Variants in POM121 observed in about 807,000 individuals in gnomAD.
POM121 encodes the protein nuclear envelope pore membrane protein POM 121.
In POM121, 32 loss-of-function variants were observed where a neutral mutation model predicts 81.3. The observed-to-expected ratio is 0.39, with a 90% CI of 0.30 to 0.53. The LOEUF (loss-of-function observed/expected upper bound fraction) is 0.53. POM121 is among the 20% of genes least tolerant of loss of function. POM121 has a pLI of 0.66. For missense variants in POM121, 1,138 were observed against 1,614.6 expected (o/e 0.70, Z 5.06); for synonymous variants, 514 against 694.2 (o/e 0.74, Z 4.08).
intron 1 of POM121, among the ~76,000 whole-genome samples, chr7:72,890,204 A>G (rs1791163083): frequency 6.6e-6 from 1 of 152,226 alleles, no homozygotes; most frequent in Admixed American, 6.5e-5. Flanking sequence ...GTTAGGAAGA[A>G]GAAGACCAGG....
intron 3 of POM121, among the ~76,000 whole-genome samples, chr7:72,912,049 G>T (rs1447013998): frequency 1.3e-5 from 2 of 152,172 alleles, no homozygotes; most frequent in Non-Finnish European, 2.9e-5. Context: ...ACGCTACCAT[G>T]CCCAGCTAGT....
chr7:72,929,935 A>G lies in POM121; in HGVS notation c.1104-5A>G. 6.3e-7 allele frequency: 1 copy of G among 1,580,222 alleles called. No individual in the cohort carries two copies. The highest frequency in any genetic ancestry group is 1.8e-5 in the Admixed American group (1 of 54,164). ...AAAGCATCTAACTGTCTTCTCTTTT[A>G]TTAGGCCTGGGTCTCTGAAGAGAGG... On this transcript the variant is annotated splice_region_variant and splice_polypyrimidine_tract_variant and intron_variant, in intron 4 of 12. Transcript: ENST00000434423.
chr7:72,924,033 C>T (rs1384460390), upstream of POM121, among the ~76,000 whole-genome samples: 1 of 151,724 alleles, frequency 6.6e-6, no homozygotes, highest in East Asian at 1.9e-4. Flanking sequence ...GCAACCTCCG[C>T]CTCCCGAGTT....
exon 1 of POM121, chr7:72,879,821 C>T (rs1563127063): frequency 4.0e-6 from 2 of 504,122 alleles, no homozygotes; most frequent in Non-Finnish European, 7.9e-6. Context: ...ACGCGCGCGC[C>T]AGCGACAGCA....
At chr7:72,949,977 C>T, downstream of POM121, 1 of 1,606,014 alleles carries the variant, frequency 6.2e-7, no homozygotes, top group Non-Finnish European at 8.5e-7. Flanking sequence ...AGGCAGAACA[C>T]AGGGGCCGGG....
chr7:72,949,656 C>G (rs1797938434), downstream of POM121: 4 of 656,372 alleles, frequency 6.1e-6, no homozygotes, highest in Non-Finnish European at 1.1e-5. Flanking sequence ...GGCCTGGGGT[C>G]TCTGCCCCAA....
At chr7:72,909,158 G>A (rs1793567404) in intron 3 of POM121, among the ~76,000 whole-genome samples, 1 of 152,204 alleles carries the variant, frequency 6.6e-6, no homozygotes, top group African/African-American at 2.4e-5. Flanking sequence ...CTTCTGCCAT[G>A]GCTTTAGCTG....
Position 72,890,107 on chromosome 7 carries a change from T to C in POM121, c.-520-520T>C, listed in dbSNP as rs550952376. ...GAGATGTTTGAGATAAAATCAGTCATGCAGATAGCCAGAGGCCACTGGCTA... is the reference window on the plus strand; with the variant it reads ...GAGATGTTTGAGATAAAATCAGTCACGCAGATAGCCAGAGGCCACTGGCTA... On this transcript the variant is annotated intron_variant, in intron 1 of 15. Coordinates refer to the POM121 transcript ENST00000395270. Among the ~76,000 whole-genome samples, 7 of 151,892 alleles carry C rather than the reference T, an allele frequency of 4.6e-5. No homozygotes were observed. In the South Asian group the frequency reaches 1.5e-3, roughly 32 times the overall value.
intron 3 of POM121, among the ~76,000 whole-genome samples, chr7:72,902,611 C>G (rs1792805505): frequency 6.6e-6 from 1 of 152,118 alleles, no homozygotes; most frequent in South Asian, 2.1e-4. Flanking sequence ...TCACTGCAGG[C>G]TTGACTTCTC....
At chr7:72,949,748 G>C, downstream of POM121, 1 of 823,306 alleles carries the variant, frequency 1.2e-6, no homozygotes, top group East Asian at 2.5e-5. Flanking sequence ...TGGTGCAGCA[G>C]GAAAGAGTTA....
At chr7:72,917,291 T>G (rs1554495230) in intron 4 of POM121, among the ~76,000 whole-genome samples, 2 of 152,342 alleles carry the variant, frequency 1.3e-5, no homozygotes, top group Non-Finnish European at 1.5e-5. Flanking sequence ...CCTCTCCCAG[T>G]CTTTGAAGTT....
chr7:72,909,282 T>TA (rs1793577730), intron 3 of POM121, among the ~76,000 whole-genome samples: 1 of 152,224 alleles, frequency 6.6e-6, no homozygotes, highest in South Asian at 2.1e-4. Context: ...ATAGCTCATC[T>TA]AAAATCCCTA....
At chr7:72,901,586 C>A (rs1313418231) in intron 3 of POM121, among the ~76,000 whole-genome samples, 1 of 152,006 alleles carries the variant, frequency 6.6e-6, no homozygotes, top group Admixed American at 6.6e-5. Context: ...AACTCCTGAC[C>A]TCATGATCCA....
At chr7:72,937,844 G>A (rs375710161) in intron 5 of POM121, among the ~76,000 whole-genome samples, 1 of 151,970 alleles carries the variant, frequency 6.6e-6, no homozygotes, top group African/African-American at 2.4e-5. Context: ...AGAGGCAGAT[G>A]TATGGATAAT....
chr7:72,909,339 A>G (rs2129576176), intron 3 of POM121, among the ~76,000 whole-genome samples: 1 of 152,210 alleles, frequency 6.6e-6, no homozygotes, highest in East Asian at 1.9e-4. Context: ...CCATCTGTTG[A>G]TTGTCTTTCC....
At chr7:72,895,297 C>T (rs1791832167) in intron 3 of POM121, among the ~76,000 whole-genome samples, 1 of 152,226 alleles carries the variant, frequency 6.6e-6, no homozygotes, top group South Asian at 2.1e-4. Flanking sequence ...CAGACCCTGT[C>T]TAAATCTGAA....
At chr7:72,895,283 AC>A (rs1266751258) in intron 3 of POM121, among the ~76,000 whole-genome samples, 1 of 152,080 alleles carries the variant, frequency 6.6e-6, no homozygotes, top group Non-Finnish European at 1.5e-5. Flanking sequence ...CCTTTTTCAT[AC>A]CTCAGACCCT....
intron 12 of POM121, 65 bp downstream of exon 12, chr7:72,945,773 G>C: frequency 6.4e-7 from 1 of 1,553,370 alleles, no homozygotes; most frequent in Non-Finnish European, 8.7e-7. Context: ...GGGGTGGCAG[G>C]TTCCTGGTCC....
intron 12 of POM121, 83 bp from the exon 13 acceptor site, chr7:72,946,054 C>T (rs1797661877): frequency 1.9e-6 from 3 of 1,556,268 alleles, no homozygotes; most frequent in Non-Finnish European, 2.6e-6. Flanking sequence ...TTATTACTGG[C>T]CTGGCCTTCC....
Sources: allele counts gnomAD v4.1 joint callset (sites outside exome capture counted in the v4.1 genomes callset), GRCh38; gene constraint gnomAD v4.1.1; transcripts MANE v1.5; gene names NCBI Gene and HGNC (gene_info 2026-07-23, HGNC 2026-07-21).